Variants in ATXN7 observed in about 807,000 individuals in gnomAD.
ATXN7 encodes the protein ataxin 7.
A neutral mutation model predicts 70.5 loss-of-function variants in ATXN7; 12 were observed. That is an observed-to-expected ratio of 0.17 (90% CI 0.11 to 0.28). ATXN7 has a LOEUF of 0.28. Among genes scored for constraint, ATXN7 ranks in the 10% least tolerant of loss-of-function variants. The pLI, the probability that ATXN7 is intolerant of heterozygous loss-of-function variation, is 1.00. For synonymous variants in ATXN7, 498 were observed against 448.7 expected, an observed-to-expected ratio of 1.11 and a Z score of -1.39; for missense variants, 1,256 against 1,131.7, an observed-to-expected ratio of 1.11 and a Z score of -1.58.
rs773357290 is a variant in ATXN7 at position 63,995,919 on chromosome 3, C to T, written c.2097C>T (p.Thr699=). 1.2e-6 allele frequency: 2 copies of T among 1,614,174 alleles called. No individual in the cohort carries two copies. Among genetic ancestry groups the T allele is most frequent in the Admixed American group, 1.7e-5 (1 of 60,026 alleles). Residue 699 remains threonine, a synonymous_variant, in exon 12 of 13, where the codon ACC becomes ACT. Coordinates refer to ENST00000674280, the MANE Select transcript of ATXN7 (RefSeq NM_001377405.1). ...STNCQNASSS[T]SGGSGKKRKN... ...ACTGTCAAAATGCCAGTAGCAGTAC[C>T]AGTGGCGGCTCAGGAAAGAAACGCA...
chr3:63,979,792 A>G (rs2075455476), intron 5 of ATXN7, 123 bp from the exon 6 acceptor site: 2 of 1,361,564 alleles, frequency 1.5e-6, no homozygotes. Context: ...GCTGAGTTTA[A>G]CATACCTTCA....
At chr3:63,874,124 T>A (rs1702676800) in intron 1 of ATXN7, among the ~76,000 whole-genome samples, 1 of 152,242 alleles carries the variant, frequency 6.6e-6, no homozygotes, top group African/African-American at 2.4e-5. Flanking sequence ...TACATGATAA[T>A]CTTTCCTAAA....
At chr3:63,887,759 T>C (rs903119495) in intron 1 of ATXN7, among the ~76,000 whole-genome samples, 1 of 151,974 alleles carries the variant, frequency 6.6e-6, no homozygotes. Context: ...CTAATTTTTG[T>C]ATTTTTTTGT....
At chr3:63,950,641 A>T (rs1291671801) in intron 4 of ATXN7, among the ~76,000 whole-genome samples, 1 of 152,204 alleles carries the variant, frequency 6.6e-6, no homozygotes, top group East Asian at 1.9e-4. Context: ...TCAGAATGAA[A>T]TGTCATGTCA....
Position 63,979,769 on chromosome 3 carries a change from A to G in ATXN7, c.500-146A>G, listed in dbSNP as rs2075455006. On this transcript the variant is annotated intron_variant, in intron 5 of 12. Coordinates refer to ENST00000674280, the MANE Select transcript of ATXN7 (RefSeq NM_001377405.1). ...TAAGTCTGTGGGGCCTAGATGAGCC[A>G]TTTCTGAAGTCTGCTGAGTTTAACA... 3 of 1,095,168 alleles carry G rather than the reference A, an allele frequency of 2.7e-6. No homozygotes were observed. The Admixed American group carries it at 7.8e-5, about 29-fold the overall frequency. The allele number at this position is 1,095,168 out of a possible 1,614,324, so 67.8% of individuals were successfully genotyped here.
chr3:63,867,821 C>T (rs1702480113), intron 1 of ATXN7, among the ~76,000 whole-genome samples: 1 of 151,720 alleles, frequency 6.6e-6, no homozygotes, highest in Non-Finnish European at 1.5e-5. Flanking sequence ...ACCCAGGAGG[C>T]TGAGGTTGCA....
intron 1 of ATXN7, among the ~76,000 whole-genome samples, chr3:63,867,214 A>G (rs1447062108): frequency 1.3e-5 from 2 of 152,272 alleles, no homozygotes; most frequent in East Asian, 3.9e-4. Flanking sequence ...CTTTTTGTGT[A>G]TGTGTATTTT....
intron 5 of ATXN7, among the ~76,000 whole-genome samples, chr3:63,976,668 G>A (rs1199434997): frequency 6.6e-6 from 1 of 152,166 alleles, no homozygotes; most frequent in East Asian, 1.9e-4. Context: ...GGACAGTGAT[G>A]GGAATGGAAA....
chr3:63,891,929 C>T (rs1205336641), intron 1 of ATXN7, among the ~76,000 whole-genome samples: 2 of 152,154 alleles, frequency 1.3e-5, no homozygotes, highest in East Asian at 1.9e-4. Context: ...CTACATTTAT[C>T]CCACTAGCCA....
intron 1 of ATXN7, chr3:63,873,899 CTG>C (rs917517658): frequency 2.0e-5 from 3 of 151,890 alleles, no homozygotes; most frequent in African/African-American, 4.8e-5. Context: ...TTTGTAGAGA[CTG>C]TGTTATCTAG....
chr3:63,925,769 A>T (rs1704692849), intron 4 of ATXN7, among the ~76,000 whole-genome samples: 1 of 152,218 alleles, frequency 6.6e-6, no homozygotes, highest in Non-Finnish European at 1.5e-5. Context: ...AGTAGAGATC[A>T]GGAAAGGAAG....
rs147810513 is a variant in ATXN7 at position 63,948,703 on chromosome 3, A to G, written c.395-3676A>G. Among the ~76,000 whole-genome samples, 49 of 152,330 alleles carry G rather than the reference A, an allele frequency of 3.2e-4. No homozygotes were observed. The Middle Eastern group carries it at 0.01, about 32-fold the overall frequency. ...CATTCTGCATGTGACTGAAGTTTCC[A>G]TATACATGTGCTCAAGTGTCCTTGT... On this transcript the variant is annotated intron_variant, in intron 4 of 12. Transcript: ENST00000674280.
At chr3:63,881,466 G>T (rs114134154) in intron 1 of ATXN7, among the ~76,000 whole-genome samples, 3,399 of 148,046 alleles carry the variant, frequency 0.023, 46 homozygotes, top group Non-Finnish European at 0.034. Flanking sequence ...AACTGGCCTT[G>T]TTCATTGTGG....
chr3:63,917,771 A>T (rs1265128160), intron 4 of ATXN7, among the ~76,000 whole-genome samples: 3 of 152,212 alleles, frequency 2.0e-5, no homozygotes, highest in African/African-American at 7.2e-5. Context: ...TATTTGCCCC[A>T]AAAGTGGATG....
intron 1 of ATXN7, among the ~76,000 whole-genome samples, chr3:63,881,486 T>C (rs1479036013): frequency 8.5e-6 from 1 of 118,092 alleles, no homozygotes; most frequent in Non-Finnish European, 2.0e-5. Flanking sequence ...GTTGGAGCAT[T>C]TTTTTTTTTT....
intron 5 of ATXN7, among the ~76,000 whole-genome samples, chr3:63,973,024 T>C (rs998561234): frequency 6.6e-6 from 1 of 152,148 alleles, no homozygotes; most frequent in Non-Finnish European, 1.5e-5. Flanking sequence ...TGCTGCAGGC[T>C]TTGCAACTCT....
rs770364745 is a variant in ATXN7, at chr3:63,912,714, A to AGCAGCAGCCGCC, written c.118_119insAGCAGCCGCCGC (p.Gln39_Pro40insGlnGlnProPro). 204 of 1,212,580 alleles carry AGCAGCAGCCGCC rather than the reference A, an allele frequency of 1.7e-4. No homozygotes were observed. In the African/African-American group the frequency reaches 2.6e-3, roughly 15 times the overall value. 75.1% of individuals were successfully genotyped at this position (1,212,580 alleles called of 1,614,324 possible). ...CAGCAGCAGCAGCAGCAGCAGCAGC[A>AGCAGCAGCCGCC]GCCGCCGCCTCCGCAGCCCCAGCGG... On this transcript the variant is annotated inframe_insertion, in exon 3 of 13. Transcript: ENST00000674280.
chr3:63,871,256 C>T (rs1021268276), intron 1 of ATXN7, among the ~76,000 whole-genome samples: 2 of 152,112 alleles, frequency 1.3e-5, no homozygotes, highest in Non-Finnish European at 2.9e-5. Context: ...GTATAAGAGG[C>T]ATGACTCAGT....
intron 5 of ATXN7, among the ~76,000 whole-genome samples, chr3:63,963,121 G>T (rs936028377): frequency 3.6e-4 from 54 of 151,834 alleles, no homozygotes; most frequent in Admixed American, 2.2e-3. Context: ...TCACCATGTT[G>T]CCCAGGCTGG....
Sources: gnomAD v4.1 joint callset for allele counts (sites outside exome capture counted in the v4.1 genomes callset) on GRCh38, gnomAD v4.1.1 for gene constraint, MANE v1.5 for transcripts, NCBI Gene and HGNC (gene_info 2026-07-23, HGNC 2026-07-21) for gene names.